The following OSBPL10 variants were observed in gnomAD, a reference collection of about 807,000 sequenced individuals.
The protein encoded by OSBPL10 is oxysterol-binding protein-related protein 10.
OSBPL10 carries 49 observed loss-of-function variants against 81.7 expected under a neutral mutation model. That is an observed-to-expected ratio of 0.60 (90% CI 0.48 to 0.76). OSBPL10 has a LOEUF of 0.76. Among genes scored for constraint, OSBPL10 ranks in the 30% least tolerant of loss-of-function variants. The pLI is 0.00. For missense variants in OSBPL10, 923 were observed against 987.8 expected, an observed-to-expected ratio of 0.93 and a Z score of 0.88; for synonymous variants, 419 against 383.6, an observed-to-expected ratio of 1.09 and a Z score of -1.08.
chr3:31,906,809 CTA>C (rs757972838), intron 1 of OSBPL10: 1 of 152,174 alleles, frequency 6.6e-6, no homozygotes, highest in Non-Finnish European at 1.5e-5. Context: ...GTGATAACAA[CTA>C]TGTTTTTAGA....
At chr3:31,832,716 G>T (rs923143792) in intron 3 of OSBPL10, among the ~76,000 whole-genome samples, 1 of 152,160 alleles carries the variant, frequency 6.6e-6, no homozygotes, top group African/African-American at 2.4e-5. Context: ...TCAAAGAAGT[G>T]AGCTCATCTC....
chr3:31,782,339 C>T (rs770616772), intron 4 of OSBPL10, among the ~76,000 whole-genome samples: 8 of 152,016 alleles, frequency 5.3e-5, no homozygotes, highest in South Asian at 2.1e-4. Flanking sequence ...AAATTCTAGA[C>T]GATAACATGG....
chr3:31,837,735 C>T (rs571192008), intron 3 of OSBPL10, among the ~76,000 whole-genome samples: 9 of 149,014 alleles, frequency 6.0e-5, no homozygotes, highest in African/African-American at 1.7e-4. Context: ...TTCATATCAA[C>T]GATAACCAAT....
chr3:31,797,157 G>A lies in OSBPL10; in HGVS notation c.729+32883C>T, dbSNP rs1350866450. Among the ~76,000 whole-genome samples the A allele has an allele frequency of 2.6e-5, 4 of 152,046 alleles. No individual in the cohort carries two copies. In the East Asian group the frequency reaches 5.8e-4, roughly 22 times the overall value. On this transcript the variant is annotated intron_variant, in intron 4 of 11. Transcript: ENST00000396556. ...TTACAGGCATGCGCCACGACGCCCAGCTAATTTTTGTATCTTTAGTAGAGA... is the reference window on the plus strand; with the variant it reads ...TTACAGGCATGCGCCACGACGCCCAACTAATTTTTGTATCTTTAGTAGAGA...
intron 1 of OSBPL10, among the ~76,000 whole-genome samples, chr3:31,947,057 AGC>A (rs1191770559): frequency 6.6e-6 from 1 of 152,196 alleles, no homozygotes; most frequent in Non-Finnish European, 1.5e-5. Flanking sequence ...CCAGAAAGGC[AGC>A]TATGCCTCAG....
At chr3:31,808,886 T>C (rs1431818766) in intron 4 of OSBPL10, among the ~76,000 whole-genome samples, 6 of 152,246 alleles carry the variant, frequency 3.9e-5, no homozygotes, top group Non-Finnish European at 8.8e-5. Context: ...TTGCCCAGAA[T>C]ATCATACACA....
chr3:31,832,136 T>C (rs975078866), intron 3 of OSBPL10, among the ~76,000 whole-genome samples: 1 of 152,240 alleles, frequency 6.6e-6, no homozygotes, highest in Non-Finnish European at 1.5e-5. Context: ...TGATCTATAG[T>C]ATGCAAAATA....
chr3:31,681,056 C>A (rs1700628715), intron 8 of OSBPL10, among the ~76,000 whole-genome samples: 1 of 152,132 alleles, frequency 6.6e-6, no homozygotes. Flanking sequence ...CAGATACAAC[C>A]CACCTCCATC....
intron 2 of OSBPL10, among the ~76,000 whole-genome samples, chr3:32,026,057 T>TAGATAGATA (rs58717718): frequency 1.1e-4 from 12 of 111,342 alleles, no homozygotes; most frequent in Admixed American, 3.9e-4. Context: ...GATAGATAGA[T>TAGATAGATA]GATAGATAGA....
At chr3:31,969,058 T>G (rs1698483042) in intron 1 of OSBPL10, among the ~76,000 whole-genome samples, 2 of 152,212 alleles carry the variant, frequency 1.3e-5, no homozygotes, top group Non-Finnish European at 2.9e-5. Flanking sequence ...AAAAGTTCTG[T>G]GCTGTGTGGT....
chr3:31,875,773 A>G (rs1432249259), intron 3 of OSBPL10, among the ~76,000 whole-genome samples: 1 of 152,212 alleles, frequency 6.6e-6, no homozygotes, highest in East Asian at 1.9e-4. Context: ...ACTATATTTG[A>G]ACTAATGATA....
intron 5 of OSBPL10, among the ~76,000 whole-genome samples, chr3:31,733,685 GTTTTTTTTTTTTTTTT>G (rs372305256): frequency 1.1e-5 from 1 of 91,780 alleles, no homozygotes; most frequent in Non-Finnish European, 2.1e-5. Flanking sequence ...AGATAAAGGT[GTTTTTTTTTTTTTTTT>G]TTTTTTTTTT....
At chr3:31,668,553 T>C in intron 10 of OSBPL10, 89 bp downstream of exon 10, 1 of 1,267,700 alleles carries the variant, frequency 7.9e-7, no homozygotes, top group South Asian at 2.0e-5. Context: ...TTCCAGTCGC[T>C]AAGTTTCAAA....
rs558911405 is a variant in OSBPL10, at chr3:31,671,888, A to AG, written c.1727-906dup. ...CAGACTGGCAGAGGCCCTGAGACCC[A>AG]GCACTACAGCTCTCTTAAGATCACA... On this transcript the variant is annotated intron_variant, in intron 8 of 11. Transcript: ENST00000396556. Among the ~76,000 whole-genome samples the AG allele has an allele frequency of 3.8e-4, 58 of 152,304 alleles. No homozygotes were observed. The Middle Eastern group carries it at 0.038, about 99-fold the overall frequency.
At chr3:31,909,157 A>G (rs1268863724) in intron 1 of OSBPL10, among the ~76,000 whole-genome samples, 3 of 152,224 alleles carry the variant, frequency 2.0e-5, no homozygotes, top group Non-Finnish European at 2.9e-5. Context: ...AGAACTTGAG[A>G]GCTGACATTA....
intron 2 of OSBPL10, among the ~76,000 whole-genome samples, chr3:32,031,025 T>TG (rs1353815519): frequency 6.6e-6 from 1 of 151,862 alleles, no homozygotes; most frequent in African/African-American, 2.4e-5. Context: ...AAGATTAGCC[T>TG]GGCGTTGTGG....
At chr3:31,685,731 G>A (rs1475624586) in intron 7 of OSBPL10, among the ~76,000 whole-genome samples, 3 of 152,180 alleles carry the variant, frequency 2.0e-5, no homozygotes, top group East Asian at 3.8e-4. Context: ...ATTTGGGAGG[G>A]TGTATGATCA....
At chr3:31,903,712 T>C (rs77893245) in intron 1 of OSBPL10, among the ~76,000 whole-genome samples, 30,331 of 152,074 alleles carry the variant, frequency 0.2, 3,149 homozygotes, top group Non-Finnish European at 0.24. Context: ...GCAGAGGCAA[T>C]AGGAGCCCAG....
At chr3:31,856,933 G>A (rs866375339) in intron 3 of OSBPL10, among the ~76,000 whole-genome samples, 12 of 152,248 alleles carry the variant, frequency 7.9e-5, no homozygotes, top group Non-Finnish European at 1.2e-4. Flanking sequence ...AAAATTAGCT[G>A]GGCATGGTGG....
Sources: gnomAD v4.1 joint callset for allele counts (sites outside exome capture counted in the v4.1 genomes callset) on GRCh38, gnomAD v4.1.1 for gene constraint, MANE v1.5 for transcripts, NCBI Gene and HGNC (gene_info 2026-07-23, HGNC 2026-07-21) for gene names.